The following CTNND2 variants were observed in gnomAD, a reference collection of about 807,000 sequenced individuals.
CTNND2 encodes catenin delta-2.
Under a neutral mutation model 144.4 loss-of-function variants are expected in CTNND2, and 22 were observed. The ratio of observed to expected loss-of-function variants is 0.15; its 90% confidence interval spans 0.11 to 0.22. The LOEUF (loss-of-function observed/expected upper bound fraction) is 0.22. Among genes scored for constraint, CTNND2 ranks in the 10% least tolerant of loss-of-function variants. The pLI is 1.00. For synonymous variants in CTNND2, 751 were observed against 695.6 expected (o/e 1.08, Z -1.25); for missense variants, 1,353 against 1,618.8 (o/e 0.84, Z 2.82).
At chr5:11,330,848 G>A in intron 9 of CTNND2, among the ~76,000 whole-genome samples, 1 of 147,758 alleles carries the variant, frequency 6.8e-6, no homozygotes, top group Admixed American at 6.6e-5. Flanking sequence ...GCCTGTGTGT[G>A]TCTGTGTGTG....
At chr5:11,602,096 G>A (rs1231874626) in intron 2 of CTNND2, among the ~76,000 whole-genome samples, 2 of 151,978 alleles carry the variant, frequency 1.3e-5, no homozygotes, top group Non-Finnish European at 2.9e-5. Flanking sequence ...AAAGCACTAT[G>A]GGATACAATT....
chr5:11,560,668 C>G (rs1434385157), intron 3 of CTNND2, among the ~76,000 whole-genome samples: 1 of 152,184 alleles, frequency 6.6e-6, no homozygotes, highest in Non-Finnish European at 1.5e-5. Flanking sequence ...AAGAACAGAA[C>G]AGAGAAACAG....
At chr5:11,036,579 C>A (rs1206146043) in intron 16 of CTNND2, among the ~76,000 whole-genome samples, 2 of 152,154 alleles carry the variant, frequency 1.3e-5, no homozygotes, top group African/African-American at 4.8e-5. Flanking sequence ...CACCACCAAG[C>A]CTGGCTAATT....
At chr5:11,017,603 C>CATATATAT (rs55835829) in intron 18 of CTNND2, among the ~76,000 whole-genome samples, 15 of 99,940 alleles carry the variant, frequency 1.5e-4, no homozygotes, top group African/African-American at 7.1e-4. Context: ...TATATCTTTC[C>CATATATAT]ATATATATAT....
intron 1 of CTNND2, among the ~76,000 whole-genome samples, chr5:11,894,063 A>G (rs1737200823): frequency 6.6e-6 from 1 of 151,920 alleles, no homozygotes; most frequent in African/African-American, 2.4e-5. Context: ...TTGGCAGACT[A>G]CAGTTAGAGC....
chr5:11,826,771 CA>C (rs968397207), intron 1 of CTNND2, among the ~76,000 whole-genome samples: 1 of 151,824 alleles, frequency 6.6e-6, no homozygotes, highest in Non-Finnish European at 1.5e-5. Flanking sequence ...GTCAATTCAT[CA>C]AGACATAAGA....
At chr5:11,295,854 G>A (rs1206634129) in intron 9 of CTNND2, among the ~76,000 whole-genome samples, 28 of 151,812 alleles carry the variant, frequency 1.8e-4, no homozygotes, top group East Asian at 5.8e-4. Context: ...AAAGACTTAC[G>A]TGTTAGACCT....
In CTNND2 at chr5:11,346,526, C is replaced by T. The variant is rs527289935; in HGVS notation, c.1474G>A (p.Ala492Thr). Residue 492 changes from alanine (A) to threonine (T), a missense_variant, in exon 9 of 22, where the codon GCC (alanine) becomes ACC (threonine). Coordinates refer to ENST00000304623, the MANE Select transcript of CTNND2 (RefSeq NM_001332.4). The part of the protein sequence containing the change: ...AAATFQRASY[A>T]AGPASNYADP... Reference sequence around the variant, plus strand: ...GCGTAATTGGAGGCTGGGCCGGCGGCATAGCTGGCCCTCTGGAAGGTGGCC... The same window carrying T: ...GCGTAATTGGAGGCTGGGCCGGCGGTATAGCTGGCCCTCTGGAAGGTGGCC... 7 of 1,605,384 alleles carry T rather than the reference C, an allele frequency of 4.4e-6. 2 individuals are homozygous for T. In the Admixed American group the frequency reaches 1.2e-4, roughly 27 times the overall value.
In CTNND2 at chr5:11,851,312, A is replaced by G. The variant is rs73048724; in HGVS notation, c.37+52505T>C. Among the ~76,000 whole-genome samples the G allele has an allele frequency of 2.2e-3, 340 of 152,276 alleles. 2 individuals are homozygous for G. The highest frequency in any genetic ancestry group is 7.4e-3 in the African/African-American group (307 of 41,564). ...GAGTGTATATGTGTTCTGTTTCCCT[A>G]GAATGAATTTCTCTTATTAGAATAA... On this transcript the variant is annotated intron_variant, in intron 1 of 21. Transcript: ENST00000304623.
At position 11,106,333 on chromosome 5, in the gene CTNND2, G is replaced by A. The variant is rs546601288; in HGVS notation, c.2463+4525C>T. Among the ~76,000 whole-genome samples the A allele has an allele frequency of 1.1e-4, 17 of 152,320 alleles. 1 individual carries two copies. The South Asian group carries it at 2.3e-3, about 20-fold the overall frequency. The stretch of plus-strand genomic sequence containing the variant: ...TAGGAATAGGGGATTGGTTCGCCAC[G>A]TCATGGTATTCCTCTACCATGGAAT... On this transcript the variant is annotated intron_variant, in intron 14 of 21. Coordinates refer to ENST00000304623, the MANE Select transcript of CTNND2 (RefSeq NM_001332.4).
intron 18 of CTNND2, among the ~76,000 whole-genome samples, chr5:11,003,625 T>C (rs961004363): frequency 2.0e-5 from 3 of 152,246 alleles, no homozygotes; most frequent in South Asian, 2.1e-4. Flanking sequence ...CAGATTTTGC[T>C]TAACTACAAA....
chr5:11,043,809 G>A (rs1744940816), intron 16 of CTNND2, among the ~76,000 whole-genome samples: 1 of 152,180 alleles, frequency 6.6e-6, no homozygotes, highest in South Asian at 2.1e-4. Context: ...AGAAAGATTT[G>A]ATGAGTAAAA....
At chr5:11,054,381 G>T (rs1052790356) in intron 16 of CTNND2, among the ~76,000 whole-genome samples, 1 of 152,118 alleles carries the variant, frequency 6.6e-6, no homozygotes, top group Non-Finnish European at 1.5e-5. Flanking sequence ...AGTCAAGCTA[G>T]AAAATGTACA....
intron 1 of CTNND2, among the ~76,000 whole-genome samples, chr5:11,889,097 T>C (rs988967639): frequency 1.3e-5 from 2 of 152,070 alleles, no homozygotes; most frequent in Admixed American, 6.6e-5. Context: ...TGTACCAACC[T>C]TGGTAAATAA....
intron 3 of CTNND2, among the ~76,000 whole-genome samples, chr5:11,440,754 T>A: frequency 6.6e-6 from 1 of 152,320 alleles, no homozygotes; most frequent in Middle Eastern, 3.4e-3. Flanking sequence ...TAGTTTTATG[T>A]TGGAAAAATC....
intron 1 of CTNND2, among the ~76,000 whole-genome samples, chr5:11,772,908 GGA>G (rs1280741061): frequency 7.2e-5 from 11 of 152,270 alleles, no homozygotes; most frequent in African/African-American, 2.6e-4. Context: ...TTATGGTTGT[GGA>G]GCCTGAAATA....
intron 16 of CTNND2, among the ~76,000 whole-genome samples, chr5:11,060,257 T>A (rs150320898): frequency 6.6e-6 from 1 of 152,198 alleles, no homozygotes; most frequent in East Asian, 1.9e-4. Context: ...TTATAATATA[T>A]TCCATGGATA....
At chr5:11,647,935 G>A (rs1782447335) in intron 2 of CTNND2, among the ~76,000 whole-genome samples, 1 of 152,178 alleles carries the variant, frequency 6.6e-6, no homozygotes, top group African/African-American at 2.4e-5. Flanking sequence ...TTCACGGACA[G>A]AGTCACGGAC....
intron 2 of CTNND2, among the ~76,000 whole-genome samples, chr5:11,645,365 A>G (rs1272345035): frequency 3.9e-5 from 6 of 152,196 alleles, no homozygotes; most frequent in Non-Finnish European, 8.8e-5. Context: ...AGGTCCATAT[A>G]ACACAGAATG....
Sources: gnomAD v4.1 joint callset for allele counts (sites outside exome capture counted in the v4.1 genomes callset) on GRCh38, gnomAD v4.1.1 for gene constraint, MANE v1.5 for transcripts, NCBI Gene and HGNC (gene_info 2026-07-23, HGNC 2026-07-21) for gene names.